RPN2: variants seen among roughly 807,000 people sequenced by gnomAD.
RPN2 encodes dolichyl-diphosphooligosaccharide--protein glycosyltransferase subunit 2.
Under a neutral mutation model 71.4 loss-of-function variants are expected in RPN2, and 29 were observed. That is an observed-to-expected ratio of 0.41 (90% confidence interval 0.30 to 0.55). The LOEUF (loss-of-function observed/expected upper bound fraction) is 0.55, where lower values mean the gene tolerates loss of function less well. RPN2 is among the 20% of genes least tolerant of loss of function. RPN2 has a pLI of 0.35. For missense variants in RPN2, 726 were observed against 774.1 expected, an observed-to-expected ratio of 0.94 and a Z score of 0.74; for synonymous variants, 308 against 305.0, an observed-to-expected ratio of 1.01 and a Z score of -0.10.
At chr20:37,180,477 A>T (rs2066832238) in intron 1 of RPN2, among the ~76,000 whole-genome samples, 1 of 152,212 alleles carries the variant, frequency 6.6e-6, no homozygotes, top group Non-Finnish European at 1.5e-5. Context: ...TTTTAGTCAG[A>T]AAAGTTACTG....
intron 16 of RPN2, chr20:37,238,674 T>C (rs1255095562): frequency 1.4e-6 from 1 of 737,206 alleles, no homozygotes; most frequent in East Asian, 2.5e-5. Flanking sequence ...AACTTTGCAG[T>C]GAGCAGCTTT....
chr20:37,207,150 A>G (rs778438671), intron 6 of RPN2, 123 bp from the exon 7 acceptor site: 96 of 764,944 alleles, frequency 1.3e-4, no homozygotes, highest in Non-Finnish European at 2.0e-4. Context: ...AATTTGGATC[A>G]TTGACCAAAA....
chr20:37,184,033 C>A, intron 1 of RPN2, 147 bp from the exon 2 acceptor site: 1 of 907,448 alleles, frequency 1.1e-6, no homozygotes, highest in Non-Finnish European at 1.8e-6. Flanking sequence ...CCTGCCTTCC[C>A]AAGGCTTCTC....
At chr20:37,202,750 A>G (rs2067421471) in intron 4 of RPN2, among the ~76,000 whole-genome samples, 1 of 152,214 alleles carries the variant, frequency 6.6e-6, no homozygotes, top group Non-Finnish European at 1.5e-5. Flanking sequence ...GTGCTACAAC[A>G]TGGATGAGCC....
At chr20:37,220,538 G>A (rs1330524133) in intron 9 of RPN2, among the ~76,000 whole-genome samples, 1 of 152,140 alleles carries the variant, frequency 6.6e-6, no homozygotes, top group African/African-American at 2.4e-5. Flanking sequence ...GCATTTCCTG[G>A]CGTTAAAACA....
chr20:37,204,012 C>A, intron 5 of RPN2, 52 bp downstream of exon 5: 2 of 1,318,474 alleles, frequency 1.5e-6, no homozygotes, highest in Non-Finnish European at 2.2e-6. Context: ...TGACACTCTG[C>A]AGAAGAATCT....
chr20:37,191,342 T>TGGC (rs1287351817), intron 2 of RPN2, among the ~76,000 whole-genome samples: 5 of 152,006 alleles, frequency 3.3e-5, no homozygotes, highest in South Asian at 2.1e-4. Context: ...CTGGGCGTGG[T>TGGC]GGGCATGCCT....
chr20:37,230,180 G>C (rs1175216878), intron 13 of RPN2, 121 bp downstream of exon 13: 1 of 839,570 alleles, frequency 1.2e-6, no homozygotes, highest in Non-Finnish European at 2.1e-6. Context: ...CTCACACCCT[G>C]TGGATTAGGC....
At chr20:37,211,493 T>C (rs1568981529) in intron 8 of RPN2, among the ~76,000 whole-genome samples, 1 of 151,012 alleles carries the variant, frequency 6.6e-6, no homozygotes, top group Non-Finnish European at 1.5e-5. Context: ...ACAAAAAAAT[T>C]AGCCAGACGT....
intron 16 of RPN2, chr20:37,238,513 C>A: frequency 8.8e-7 from 1 of 1,136,660 alleles, no homozygotes; most frequent in Non-Finnish European, 1.3e-6. Flanking sequence ...CCGCCTCATG[C>A]ATGTCAGTTA....
intron 11 of RPN2, among the ~76,000 whole-genome samples, chr20:37,227,275 GACTAA>G (rs2068100162): frequency 6.6e-6 from 1 of 152,226 alleles, no homozygotes; most frequent in Non-Finnish European, 1.5e-5. Context: ...GAAAGTAAAA[GACTAA>G]ACTAGTAGGA....
chr20:37,190,014 A>G (rs531808186), intron 2 of RPN2, among the ~76,000 whole-genome samples: 2 of 152,326 alleles, frequency 1.3e-5, no homozygotes, highest in East Asian at 1.9e-4. Flanking sequence ...ATTGTGAGGT[A>G]TAGGAGATAA....
At chr20:37,224,069 C>A in intron 10 of RPN2, 100 bp downstream of exon 10, 1 of 924,782 alleles carries the variant, frequency 1.1e-6, no homozygotes, top group Non-Finnish European at 1.8e-6. Context: ...TCTGTGTCAG[C>A]AGCCATCCAG....
intron 2 of RPN2, among the ~76,000 whole-genome samples, chr20:37,191,348 T>G (rs1007113228): frequency 6.6e-6 from 1 of 150,558 alleles, no homozygotes; most frequent in African/African-American, 2.5e-5. Context: ...GTGGTGGGCA[T>G]GCCTGTAATC....
chr20:37,211,414 G>A (rs1384161310), intron 8 of RPN2, among the ~76,000 whole-genome samples: 1 of 150,582 alleles, frequency 6.6e-6, no homozygotes, highest in Non-Finnish European at 1.5e-5. Context: ...CAAGGTGGGC[G>A]GATCACTTGA....
chr20:37,184,028 C>A, intron 1 of RPN2, 152 bp from the exon 2 acceptor site: 1 of 853,504 alleles, frequency 1.2e-6, no homozygotes, highest in Non-Finnish European at 1.9e-6. Flanking sequence ...GGCTCCCTGC[C>A]TTCCCAAGGC....
chr20:37,221,461 G>T (rs1316444416), intron 9 of RPN2, among the ~76,000 whole-genome samples: 3 of 152,190 alleles, frequency 2.0e-5, no homozygotes, highest in African/African-American at 7.2e-5. Context: ...GCCTCCCAAA[G>T]TGTTGGGATT....
At chr20:37,201,223 CCTT>C (rs1351053954) in intron 4 of RPN2, among the ~76,000 whole-genome samples, 1 of 150,312 alleles carries the variant, frequency 6.7e-6, no homozygotes, top group African/African-American at 2.5e-5. Flanking sequence ...AACAGGTCCC[CCTT>C]CTTAGAGAGT....
chr20:37,189,212 G>C (rs2067082603), intron 2 of RPN2, among the ~76,000 whole-genome samples: 1 of 152,092 alleles, frequency 6.6e-6, no homozygotes, highest in Admixed American at 6.6e-5. Flanking sequence ...TGGGATTATA[G>C]GTGTGAGCCA....
Sources: gnomAD v4.1 joint callset for allele counts (sites outside exome capture counted in the v4.1 genomes callset) on GRCh38, gnomAD v4.1.1 for gene constraint, MANE v1.5 for transcripts, NCBI Gene and HGNC (gene_info 2026-07-23, HGNC 2026-07-21) for gene names.